ARHGEF7: variants seen among roughly 807,000 people sequenced by gnomAD.
The protein encoded by ARHGEF7 is PAK-interacting exchange factor beta.
A neutral mutation model predicts 109.8 loss-of-function variants in ARHGEF7; 33 were observed. That is an observed-to-expected ratio of 0.30 (90% CI 0.23 to 0.40). The LOEUF (loss-of-function observed/expected upper bound fraction) is 0.40. Among genes scored for constraint, ARHGEF7 ranks in the 10% least tolerant of loss-of-function variants. ARHGEF7 has a pLI of 1.00. For synonymous variants in ARHGEF7, 458 were observed against 424.6 expected (o/e 1.08, Z -0.97); for missense variants, 938 against 1,098.5 (o/e 0.85, Z 2.07).
In ARHGEF7 at chr13:111,131,434, C is replaced by G. The variant is rs2074745355; in HGVS notation, c.165+15743C>G. Among the ~76,000 whole-genome samples the G allele has an allele frequency of 2.0e-5, 3 of 152,116 alleles. No homozygotes were observed. Among genetic ancestry groups the G allele is most frequent in the Admixed American group, 6.6e-5 (1 of 15,262 alleles). On this transcript the variant is annotated intron_variant, in intron 1 of 21. Coordinates refer to ENST00000646102, the MANE Select transcript of ARHGEF7 (RefSeq NM_001354046.2). The surrounding 1 kb of genome is among the most constrained non-coding windows in gnomAD (Gnocchi z 4.4). ...GGGTTGGGTGTGTCGTTGGAGGCAT[C>G]CGCATAGAGCTGTTGGAGCTTAGAG...
chr13:111,205,427 C>A, intron 3 of ARHGEF7, 54 bp downstream of exon 3: 2 of 1,316,432 alleles, frequency 1.5e-6, no homozygotes, highest in East Asian at 2.6e-5. Flanking sequence ...CGGGCTGACA[C>A]CTTTGGTTTT....
At chr13:111,211,618 G>A (rs1202926148) in intron 4 of ARHGEF7, among the ~76,000 whole-genome samples, 1 of 152,178 alleles carries the variant, frequency 6.6e-6, no homozygotes, top group Non-Finnish European at 1.5e-5. Flanking sequence ...GTGCTAGAGA[G>A]CTGCTTTCTC....
intron 13 of ARHGEF7, among the ~76,000 whole-genome samples, chr13:111,278,445 C>T (rs761758058): frequency 5.9e-5 from 9 of 152,168 alleles, no homozygotes; most frequent in Non-Finnish European, 8.8e-5. Flanking sequence ...CATTGTAGCA[C>T]GTGTTGTTTT....
In ARHGEF7 at chr13:111,258,772, C is replaced by T. The variant is rs1160099542; in HGVS notation, c.951-8776C>T. Among the ~76,000 whole-genome samples, 2 of 152,128 alleles carry T rather than the reference C, an allele frequency of 1.3e-5. No individual in the cohort carries two copies. Among genetic ancestry groups the T allele is most frequent in the Non-Finnish European group, 2.9e-5 (2 of 68,018 alleles). On this transcript the variant is annotated intron_variant, in intron 8 of 21. Transcript: ENST00000646102. This position sits in a 1 kb window ranked among gnomAD's most constrained non-coding sequence, Gnocchi z 4.4. ...AGTGAGGTGGAACATCAAGTGGGCT[C>T]TTGGGAGTCCCCAGTTTCAGGCCTT...
chr13:111,190,214 A>G (rs1007199418), intron 2 of ARHGEF7, among the ~76,000 whole-genome samples: 1 of 152,210 alleles, frequency 6.6e-6, no homozygotes, highest in Admixed American at 6.5e-5. Flanking sequence ...GGTTAAAAAT[A>G]CAGGGCCCGA....
intron 1 of ARHGEF7, among the ~76,000 whole-genome samples, chr13:111,150,056 G>C (rs2075817276): frequency 6.6e-6 from 1 of 152,314 alleles, no homozygotes; most frequent in Middle Eastern, 3.4e-3. Flanking sequence ...AGCACATTGT[G>C]ATCTGGCAGA....
intron 19 of ARHGEF7, among the ~76,000 whole-genome samples, chr13:111,299,191 T>G (rs529611444): frequency 6.6e-6 from 1 of 152,244 alleles, no homozygotes; most frequent in South Asian, 2.1e-4. Context: ...CAGGCCTGGT[T>G]CCTGTTGCAC....
rs544043231 is a variant in ARHGEF7 at position 111,206,885 on chromosome 13, C to T, written c.337+1512C>T. On this transcript the variant is annotated intron_variant, in intron 3 of 21. Transcript: ENST00000646102. ...GCTGAGGCAGGAGAATGGCGTGAAC[C>T]CGGGAGGCGGAGCTTGCAGTGAGCC... Among the ~76,000 whole-genome samples, 500 of 150,338 alleles carry T rather than the reference C, an allele frequency of 3.3e-3. 4 individuals are homozygous for T. Among genetic ancestry groups the T allele is most frequent in the Non-Finnish European group, 4.9e-3 (332 of 67,772 alleles).
At position 111,297,134 on chromosome 13, in the gene ARHGEF7, G is replaced by A. The variant is rs866411205; in HGVS notation, c.2312-3614G>A. Reference sequence around the variant, plus strand: ...TTCTTTAAAGAAGTAGTCAACTTACGTAAACCTGGCTAGAGAACATTTCTT... The same window carrying A: ...TTCTTTAAAGAAGTAGTCAACTTACATAAACCTGGCTAGAGAACATTTCTT... On this transcript the variant is annotated intron_variant, in intron 19 of 21. Coordinates refer to ENST00000646102, the MANE Select transcript of ARHGEF7 (RefSeq NM_001354046.2). Among the ~76,000 whole-genome samples, 9 of 152,272 alleles carry A rather than the reference G, an allele frequency of 5.9e-5. No homozygotes were observed. The Middle Eastern group carries it at 0.017, about 288-fold the overall frequency.
At chr13:111,142,980 G>A (rs780606304) in intron 1 of ARHGEF7, among the ~76,000 whole-genome samples, 1 of 152,194 alleles carries the variant, frequency 6.6e-6, no homozygotes, top group African/African-American at 2.4e-5. Flanking sequence ...GCATGACTGC[G>A]GAGCTCCCAC....
intron 1 of ARHGEF7, among the ~76,000 whole-genome samples, chr13:111,127,820 C>G (rs1032138273): frequency 2.0e-5 from 3 of 151,900 alleles, no homozygotes; most frequent in African/African-American, 7.3e-5. Flanking sequence ...AGATGTAAAC[C>G]TTCAAAAAAT....
chr13:111,257,446 TATA>T (rs2090564132), intron 8 of ARHGEF7, among the ~76,000 whole-genome samples: 1 of 152,274 alleles, frequency 6.6e-6, no homozygotes, highest in Admixed American at 6.5e-5. Context: ...ATGTAATTGT[TATA>T]ATAGTTAAAT....
At chr13:111,184,182 T>C (rs186905279) in intron 2 of ARHGEF7, among the ~76,000 whole-genome samples, 1 of 152,298 alleles carries the variant, frequency 6.6e-6, no homozygotes, top group East Asian at 1.9e-4. Context: ...CTGGCACTCA[T>C]TCTCTCTCGT....
intron 4 of ARHGEF7, among the ~76,000 whole-genome samples, chr13:111,216,578 G>A (rs2083173415): frequency 6.6e-6 from 1 of 152,052 alleles, no homozygotes; most frequent in South Asian, 2.1e-4. Context: ...ATAGAGGCCT[G>A]GACTCTGCTG....
chr13:111,210,045 A>G (rs2082308715), intron 4 of ARHGEF7, 43 bp downstream of exon 4: 1 of 1,612,858 alleles, frequency 6.2e-7, no homozygotes, highest in South Asian at 1.1e-5. Flanking sequence ...TTTGGGAAGG[A>G]TATGAGTGTG....
chr13:111,207,441 T>G (rs558558801), intron 3 of ARHGEF7, among the ~76,000 whole-genome samples: 2 of 152,324 alleles, frequency 1.3e-5, no homozygotes, highest in South Asian at 2.1e-4. Flanking sequence ...GTGCTGAGAT[T>G]ACAGGCTTAT....
intron 8 of ARHGEF7, among the ~76,000 whole-genome samples, chr13:111,260,457 T>C (rs1198747110): frequency 6.6e-6 from 1 of 152,346 alleles, no homozygotes; most frequent in East Asian, 1.9e-4. Flanking sequence ...ACTGTGGGCC[T>C]GACATATTTA....
At chr13:111,124,916 T>C (rs1178243655) in intron 1 of ARHGEF7, among the ~76,000 whole-genome samples, 1 of 152,104 alleles carries the variant, frequency 6.6e-6, no homozygotes, top group Non-Finnish European at 1.5e-5. Context: ...TGCGCCACCA[T>C]GCCCGGCTAA....
intron 17 of ARHGEF7, 45 bp from the exon 18 acceptor site, chr13:111,288,309 G>A: frequency 1.1e-5 from 15 of 1,409,302 alleles, no homozygotes; most frequent in Non-Finnish European, 1.5e-5. Flanking sequence ...AGTTGCCCTA[G>A]AGGCCTTTCA....
Sources: gnomAD v4.1 joint callset for allele counts (sites outside exome capture counted in the v4.1 genomes callset) on GRCh38, gnomAD v4.1.1 for gene constraint, Gnocchi (gnomAD v3.1) non-coding constraint, MANE v1.5 for transcripts, NCBI Gene and HGNC (gene_info 2026-07-23, HGNC 2026-07-21) for gene names.